CCDC171: variants seen among roughly 807,000 people sequenced by gnomAD.
CCDC171 encodes coiled-coil domain containing 171.
A neutral mutation model predicts 168.2 loss-of-function variants in CCDC171; 177 were observed. The ratio of observed to expected loss-of-function variants is 1.05; its 90% confidence interval spans 0.93 to 1.19. The LOEUF (loss-of-function observed/expected upper bound fraction) is 1.19, where lower values mean the gene tolerates loss of function less well. Ranked by LOEUF, CCDC171 falls within the 50% of genes most tolerant of loss-of-function variation. The pLI is 0.00. For missense variants in CCDC171, 1,991 were observed against 1,539.0 expected (o/e 1.29, Z -4.91); for synonymous variants, 687 against 540.8 (o/e 1.27, Z -3.75).
intron 3 of CCDC171, among the ~76,000 whole-genome samples, chr9:15,573,337 G>A (rs1335550691): frequency 1.3e-5 from 2 of 152,112 alleles, no homozygotes; most frequent in Admixed American, 6.5e-5. Context: ...GTGCAGTGGA[G>A]CGATCTCGGC....
rs57651824 is a variant in CCDC171 at position 15,799,135 on chromosome 9, C to CATATATATATATATATATAT, written c.3267+14453_3267+14472dup. On this transcript the variant is annotated intron_variant, in intron 21 of 25. Transcript: ENST00000380701. ...GAAAACAATTGTCTTTCATCATTGC[C>CATATATATATATATATATAT]ATATATATATATATATATATATATA... Among the ~76,000 whole-genome samples the CATATATATATATATATATAT allele has an allele frequency of 8.5e-4, 93 of 109,018 alleles. 5 individuals carry two copies. Among genetic ancestry groups the CATATATATATATATATATAT allele is most frequent in the East Asian group, 2.0e-3 (6 of 2,990 alleles). 71.5% of individuals were successfully genotyped at this position (109,018 alleles called of 152,430 possible).
chr9:15,665,077 G>C (rs1362685701), intron 8 of CCDC171, among the ~76,000 whole-genome samples: 1 of 152,078 alleles, frequency 6.6e-6, no homozygotes, highest in East Asian at 1.9e-4. Context: ...CGTCAATGGT[G>C]TTTTATCTCT....
At chr9:15,968,126 T>C (rs1425979806) in intron 25 of CCDC171, among the ~76,000 whole-genome samples, 2 of 152,230 alleles carry the variant, frequency 1.3e-5, no homozygotes, top group African/African-American at 2.4e-5. Flanking sequence ...TGATGGACTA[T>C]AGCAGTTCAA....
chr9:15,880,078 A>C (rs1818415391), intron 24 of CCDC171, among the ~76,000 whole-genome samples: 3 of 152,132 alleles, frequency 2.0e-5, no homozygotes, highest in Admixed American at 6.6e-5. Flanking sequence ...CTTATTTTAC[A>C]CAGAGTTGCT....
intron 24 of CCDC171, among the ~76,000 whole-genome samples, chr9:15,900,657 G>C (rs575458743): frequency 6.6e-6 from 1 of 152,296 alleles, no homozygotes; most frequent in East Asian, 1.9e-4. Flanking sequence ...CTAGAGTGAG[G>C]TGCTGCTTTT....
chr9:15,998,540 T>G lies in CCDC171; in HGVS notation n.369-22049T>G, dbSNP rs1321655475. ...GTCTATTCCTTTGAGACTAAACTATTAGTCTTTCCAGGATAGCAGAGGATC... is the reference window on the plus strand; with the variant it reads ...GTCTATTCCTTTGAGACTAAACTATGAGTCTTTCCAGGATAGCAGAGGATC... On this transcript the variant is annotated intron_variant and non_coding_transcript_variant, in intron 3 of 9. Coordinates refer to the CCDC171 transcript ENST00000486641. Among the ~76,000 whole-genome samples the G allele has an allele frequency of 7.9e-5, 12 of 152,172 alleles. 1 individual carries two copies. Among genetic ancestry groups the G allele is most frequent in the Admixed American group, 5.9e-4 (9 of 15,274 alleles).
chr9:15,947,945 G>A (rs199625517), intron 25 of CCDC171, among the ~76,000 whole-genome samples: 24 of 151,360 alleles, frequency 1.6e-4, no homozygotes, highest in Non-Finnish European at 2.8e-4. Context: ...ATCTAGCATT[G>A]GGTATATCTC....
At chr9:15,570,258 A>C (rs889168075) in intron 2 of CCDC171, among the ~76,000 whole-genome samples, 3 of 151,170 alleles carry the variant, frequency 2.0e-5, no homozygotes, top group Non-Finnish European at 4.4e-5. Context: ...GGCGTGAGCC[A>C]CTGCACCTGG....
At chr9:15,771,996 C>G (rs2057037538) in intron 18 of CCDC171, among the ~76,000 whole-genome samples, 1 of 152,048 alleles carries the variant, frequency 6.6e-6, no homozygotes, top group African/African-American at 2.4e-5. Context: ...CCACATTCAG[C>G]TAATTTTTTG....
intron 24 of CCDC171, among the ~76,000 whole-genome samples, chr9:15,898,014 C>A (rs1039536840): frequency 6.6e-6 from 1 of 152,100 alleles, no homozygotes; most frequent in Non-Finnish European, 1.5e-5. Context: ...AGTCTTACAG[C>A]ATTATTGGAA....
intron 2 of CCDC171, among the ~76,000 whole-genome samples, chr9:15,569,846 C>CA (rs1314811546): frequency 0.016 from 2,271 of 139,806 alleles, 61 homozygotes; most frequent in African/African-American, 0.058. Flanking sequence ...AACAAACAAA[C>CA]AAAAAAAAAA....
chr9:15,892,747 C>G (rs1307306102), intron 24 of CCDC171, among the ~76,000 whole-genome samples: 2 of 152,080 alleles, frequency 1.3e-5, no homozygotes, highest in Non-Finnish European at 1.5e-5. Context: ...AGGACCTCTT[C>G]AAGGAAAACT....
intron 1 of CCDC171, among the ~76,000 whole-genome samples, chr9:16,043,286 G>A (rs1021721323): frequency 3.9e-5 from 6 of 152,076 alleles, no homozygotes; most frequent in African/African-American, 1.4e-4. Context: ...ATTTTTGTGT[G>A]TTAATGCCAT....
chr9:15,672,601 A>G (rs2049202376), intron 9 of CCDC171, among the ~76,000 whole-genome samples: 1 of 152,224 alleles, frequency 6.6e-6, no homozygotes, highest in South Asian at 2.1e-4. Flanking sequence ...CATTTATTAA[A>G]TAGGGAATCC....
chr9:16,051,342 C>A (rs992755274), intron 1 of CCDC171, among the ~76,000 whole-genome samples: 1 of 152,134 alleles, frequency 6.6e-6, no homozygotes, highest in African/African-American at 2.4e-5. Flanking sequence ...TCATAGCAAG[C>A]AGTCCCCAGC....
At chr9:15,903,219 G>A (rs932749382) in intron 24 of CCDC171, among the ~76,000 whole-genome samples, 7 of 152,282 alleles carry the variant, frequency 4.6e-5, no homozygotes, top group African/African-American at 9.6e-5. Context: ...ATCTGAGAAC[G>A]GACAGACTGC....
chr9:15,913,996 G>A (rs1387226339), intron 24 of CCDC171, among the ~76,000 whole-genome samples: 1 of 152,194 alleles, frequency 6.6e-6, no homozygotes, highest in African/African-American at 2.4e-5. Context: ...AAAGATTGCT[G>A]CCTGCTCCTT....
chr9:15,553,259 CT>C lies in CCDC171; in HGVS notation c.-154del. On this transcript the variant is annotated 5_prime_UTR_variant, in exon 1 of 26. Transcript: ENST00000380701. ...TCACCCGTGAGACTTGGAGCGGCCC[CT>C]GGGGTCTTGGGTGTGCAGCACGGAT... is the stretch of plus-strand genomic sequence containing the variant. 1 of 152,588 alleles carries C rather than the reference CT, an allele frequency of 6.6e-6. No homozygotes were observed. The highest frequency in any genetic ancestry group is 1.9e-4 in the East Asian group (1 of 5,200). 9.5% of individuals were successfully genotyped at this position (152,588 alleles called of 1,614,324 possible).
intron 24 of CCDC171, among the ~76,000 whole-genome samples, chr9:15,910,569 T>C (rs941590307): frequency 3.9e-5 from 6 of 152,156 alleles, no homozygotes; most frequent in Non-Finnish European, 5.9e-5. Flanking sequence ...TAATATACTT[T>C]AAGTTCTGGG....
Sources: gnomAD v4.1 joint callset for allele counts (sites outside exome capture counted in the v4.1 genomes callset) on GRCh38, gnomAD v4.1.1 for gene constraint, MANE v1.5 for transcripts, NCBI Gene and HGNC (gene_info 2026-07-23, HGNC 2026-07-21) for gene names.